The following PDE8A variants were observed in gnomAD, a reference collection of about 807,000 sequenced individuals.
PDE8A encodes high affinity cAMP-specific and IBMX-insensitive 3',5'-cyclic phosphodiesterase 8A.
PDE8A carries 59 observed loss-of-function variants against 105.0 expected under a neutral mutation model. That is an observed-to-expected ratio of 0.56 (90% CI 0.46 to 0.70). The LOEUF is 0.70. Among genes scored for constraint, PDE8A ranks in the 30% least tolerant of loss-of-function variants. The probability of loss-of-function intolerance (pLI) is 0.00; values close to 1 mark genes in which losing one functional copy is unlikely to be tolerated. For synonymous variants in PDE8A, 355 were observed against 371.9 expected, an observed-to-expected ratio of 0.95 and a Z score of 0.52; for missense variants, 1,014 against 1,045.9, an observed-to-expected ratio of 0.97 and a Z score of 0.42.
intron 3 of PDE8A, among the ~76,000 whole-genome samples, chr15:85,068,622 C>G (rs992066651): frequency 4.0e-5 from 6 of 151,116 alleles, no homozygotes; most frequent in Non-Finnish European, 8.8e-5. Flanking sequence ...ATCTAAATTA[C>G]ATGGTGCTTG....
chr15:85,100,273 G>C, intron 11 of PDE8A, 75 bp downstream of exon 11: 2 of 1,286,660 alleles, frequency 1.6e-6, no homozygotes, highest in Non-Finnish European at 2.2e-6. Context: ...TCTTTAACTA[G>C]CTTGCCTGGT....
intron 18 of PDE8A, 30 bp downstream of exon 18, chr15:85,121,044 T>G (rs1434961266): frequency 7.4e-7 from 1 of 1,355,216 alleles, no homozygotes; most frequent in Admixed American, 1.9e-5. Flanking sequence ...AGTGTGTTGA[T>G]CCCTCTCTTT....
At position 85,080,985 on chromosome 15, in the gene PDE8A, A is replaced by G. The variant is rs765346902; in HGVS notation, c.547-2571A>G. ...TGTAGGTGAGGAATTCATGCGGTCA[A>G]CCAGTCCTCAGAGACCACTAACTAA... On this transcript the variant is annotated intron_variant, in intron 5 of 21. Transcript: ENST00000394553. 6.2e-4 allele frequency among the ~76,000 whole-genome samples: 94 copies of G among 152,218 alleles called. 1 individual carries two copies. The highest frequency in any genetic ancestry group is 5.2e-4 in the Admixed American group (8 of 15,282).
intron 18 of PDE8A, among the ~76,000 whole-genome samples, chr15:85,121,877 A>G (rs1343464862): frequency 6.6e-6 from 1 of 152,190 alleles, no homozygotes; most frequent in African/African-American, 2.4e-5. Flanking sequence ...AATCATACAC[A>G]ATATGTGATC....
At chr15:84,999,494 G>A (rs2080032261) in intron 1 of PDE8A, among the ~76,000 whole-genome samples, 1 of 152,180 alleles carries the variant, frequency 6.6e-6, no homozygotes, top group Admixed American at 6.5e-5. Flanking sequence ...CATGGGCTAG[G>A]AACTGCACTG....
At position 85,067,059 on chromosome 15, in the gene PDE8A, T is replaced by C. The variant is rs2081240875; in HGVS notation, c.289T>C (p.Cys97Arg). The change falls in exon 3 of 22, where the codon TGC becomes CGC. Residue 97 changes from cysteine to arginine, a missense_variant. Transcript: ENST00000394553. The part of the protein sequence containing the change: ...TKEDNQCNGF[C>R]RACEKAGFKC... ...AGAAGATAACCAATGTAATGGATTC[T>C]GCAGGGCATGTGAAAAAGCAGGGTT... 1.2e-6 allele frequency: 2 copies of C among 1,613,908 alleles called. No homozygotes were observed. Among genetic ancestry groups the C allele is most frequent in the Non-Finnish European group, 8.5e-7 (1 of 1,179,788 alleles).
chr15:85,030,115 C>G (rs577990023), intron 1 of PDE8A, among the ~76,000 whole-genome samples: 3 of 152,280 alleles, frequency 2.0e-5, no homozygotes, highest in Non-Finnish European at 4.4e-5. Flanking sequence ...GAGCTCCAAC[C>G]TCCCTTTGGT....
At chr15:85,026,312 C>T (rs1031831082) in intron 1 of PDE8A, among the ~76,000 whole-genome samples, 4 of 152,096 alleles carry the variant, frequency 2.6e-5, no homozygotes, top group African/African-American at 9.7e-5. Context: ...TTTTACTCCA[C>T]ATCTGATGTC....
At chr15:85,031,540 A>G (rs1036675723) in intron 1 of PDE8A, among the ~76,000 whole-genome samples, 1 of 152,042 alleles carries the variant, frequency 6.6e-6, no homozygotes, top group African/African-American at 2.4e-5. Context: ...CCATCTTCTG[A>G]GTTTCCATAG....
chr15:85,102,837 C>T (rs2081887469), intron 11 of PDE8A, among the ~76,000 whole-genome samples: 1 of 112,510 alleles, frequency 8.9e-6, no homozygotes, highest in African/African-American at 3.7e-5. Context: ...GAAACTCCAT[C>T]TCAAAAAAAA....
chr15:85,048,912 C>T (rs981924383), intron 1 of PDE8A, among the ~76,000 whole-genome samples: 1 of 152,092 alleles, frequency 6.6e-6, no homozygotes, highest in African/African-American at 2.4e-5. Flanking sequence ...ACCACCCTGG[C>T]CAATATGGCA....
At chr15:85,033,443 G>A (rs554597147) in intron 1 of PDE8A, among the ~76,000 whole-genome samples, 4 of 152,186 alleles carry the variant, frequency 2.6e-5, no homozygotes, top group African/African-American at 9.6e-5. Context: ...TGGTTGATGG[G>A]GGAGAGAGGC....
At chr15:85,131,656 A>G (rs953351936) in intron 20 of PDE8A, among the ~76,000 whole-genome samples, 12 of 152,250 alleles carry the variant, frequency 7.9e-5, no homozygotes, top group Admixed American at 2.0e-4. Context: ...CAAAATTGTA[A>G]TAATGCTGCT....
At chr15:85,117,302 GA>G (rs1445832717) in intron 16 of PDE8A, among the ~76,000 whole-genome samples, 2 of 152,226 alleles carry the variant, frequency 1.3e-5, no homozygotes, top group Non-Finnish European at 2.9e-5. Context: ...GCTTAGCCTG[GA>G]GAAAGGGTTA....
chr15:84,995,866 T>G (rs1030902063), intron 1 of PDE8A, among the ~76,000 whole-genome samples: 5 of 152,222 alleles, frequency 3.3e-5, no homozygotes, highest in Non-Finnish European at 7.4e-5. Context: ...ATAAGGAGCA[T>G]GTGAGAGTGC....
intron 1 of PDE8A, among the ~76,000 whole-genome samples, chr15:85,059,469 A>T (rs2081111831): frequency 1.3e-5 from 2 of 152,132 alleles, no homozygotes; most frequent in Non-Finnish European, 2.9e-5. Context: ...TCTTCCTTCA[A>T]TTCTGTCAGT....
At chr15:85,067,487 G>A (rs2081247893) in intron 3 of PDE8A, among the ~76,000 whole-genome samples, 1 of 152,126 alleles carries the variant, frequency 6.6e-6, no homozygotes, top group Non-Finnish European at 1.5e-5. Flanking sequence ...TTGTATATTA[G>A]TGCAGTAAGA....
intron 17 of PDE8A, among the ~76,000 whole-genome samples, chr15:85,119,541 G>A (rs2082149630): frequency 7.8e-6 from 1 of 127,610 alleles, no homozygotes; most frequent in Admixed American, 8.8e-5. Flanking sequence ...TTAAATTATT[G>A]AATTTTAATT....
At chr15:85,131,429 T>C (rs2082328821) in intron 20 of PDE8A, among the ~76,000 whole-genome samples, 1 of 152,210 alleles carries the variant, frequency 6.6e-6, no homozygotes, top group Non-Finnish European at 1.5e-5. Flanking sequence ...TTTCTATAGA[T>C]AGTTGCATTG....
Sources: allele counts gnomAD v4.1 joint callset (sites outside exome capture counted in the v4.1 genomes callset), GRCh38; gene constraint gnomAD v4.1.1; transcripts MANE v1.5; gene names NCBI Gene and HGNC (gene_info 2026-07-23, HGNC 2026-07-21).